HFM1: variants seen among roughly 807,000 people sequenced by gnomAD.
HFM1 encodes the protein probable ATP-dependent DNA helicase HFM1.
In HFM1, 169 loss-of-function variants were observed where a neutral mutation model predicts 192.1. The ratio of observed to expected loss-of-function variants is 0.88; its 90% CI spans 0.78 to 1.00. The LOEUF is 1.00. Among genes scored for constraint, HFM1 ranks in the 50% least tolerant of loss-of-function variants. The pLI, the probability that HFM1 is intolerant of heterozygous loss-of-function variation, is 0.00. For missense variants in HFM1, 1,661 were observed against 1,668.0 expected (o/e 1.00, Z 0.07); for synonymous variants, 525 against 537.8 (o/e 0.98, Z 0.33).
At chr1:91,299,642 G>A (rs1256636628) in intron 30 of HFM1, among the ~76,000 whole-genome samples, 3 of 152,110 alleles carry the variant, frequency 2.0e-5, no homozygotes, top group African/African-American at 7.2e-5. Flanking sequence ...ACTCAAAACC[G>A]CTCAACTACA....
At chr1:91,290,452 GA>G (rs1438458497) in intron 30 of HFM1, among the ~76,000 whole-genome samples, 1 of 152,176 alleles carries the variant, frequency 6.6e-6, no homozygotes, top group Non-Finnish European at 1.5e-5. Flanking sequence ...AAGAGACAAA[GA>G]AGGCCATTAA....
chr1:91,332,261 C>T (rs930153890), intron 20 of HFM1, among the ~76,000 whole-genome samples: 1 of 152,042 alleles, frequency 6.6e-6, no homozygotes, highest in South Asian at 2.1e-4. Flanking sequence ...ACAGACACAT[C>T]AATCAATGGA....
chr1:91,316,381 A>C lies in HFM1; in HGVS notation c.2898+10T>G. ...TTTAGATGGAATTAGGAATAAGTGA[A>C]TATAACTACCAATTCAAGTTCCCTT... On this transcript the variant is annotated intron_variant, in intron 26 of 38. Coordinates refer to ENST00000370425, the MANE Select transcript of HFM1 (RefSeq NM_001017975.6). The C allele has an allele frequency of 6.9e-7, 1 of 1,448,966 alleles. No homozygotes were observed. Among genetic ancestry groups the C allele is most frequent in the East Asian group, 2.3e-5 (1 of 43,266 alleles). The allele number at this position is 1,448,966 out of a possible 1,614,324, so 89.8% of individuals were successfully genotyped here.
At chr1:91,299,066 T>C (rs919178238) in intron 30 of HFM1, among the ~76,000 whole-genome samples, 3 of 152,064 alleles carry the variant, frequency 2.0e-5, no homozygotes, top group East Asian at 1.9e-4. Flanking sequence ...GAGACACATA[T>C]AGGCTCAAAA....
At chr1:91,278,778 G>C (rs1362736758) in intron 30 of HFM1, among the ~76,000 whole-genome samples, 1 of 152,034 alleles carries the variant, frequency 6.6e-6, no homozygotes, top group African/African-American at 2.4e-5. Flanking sequence ...GAAAACACCT[G>C]GGCGGCTGGA....
chr1:91,378,437 A>G lies in HFM1; in HGVS notation c.1202T>C (p.Leu401Ser). ...GAGAAACAGTCGAACCAGCTGAACCAAAGAGTTGTCTCTCCATTTCCTAGT... is the reference window on the plus strand; with the variant it reads ...GAGAAACAGTCGAACCAGCTGAACCGAAGAGTTGTCTCTCCATTTCCTAGT... ...SMTRKWRDNS[L>S]VQLVRLFLID... Residue 401 changes from leucine to serine, a missense_variant, in exon 10 of 39, where the codon TTG becomes TCG. By Grantham distance (145) the Leu-to-Ser change is moderately radical. Coordinates refer to ENST00000370425, the MANE Select transcript of HFM1 (RefSeq NM_001017975.6). The G allele has an allele frequency of 1.2e-6, 2 of 1,606,372 alleles. No homozygotes were observed. Among genetic ancestry groups the G allele is most frequent in the Non-Finnish European group, 1.7e-6 (2 of 1,174,898 alleles).
chr1:91,299,476 T>G (rs1193419680), intron 30 of HFM1, among the ~76,000 whole-genome samples: 2 of 152,162 alleles, frequency 1.3e-5, no homozygotes, highest in African/African-American at 4.8e-5. Context: ...ATCAACAGAA[T>G]ATACATTCTT....
In HFM1 at chr1:91,300,824, T is replaced by A. The variant is rs376632348; in HGVS notation, c.3391+12525A>T. 2.5e-3 allele frequency among the ~76,000 whole-genome samples: 374 copies of A among 152,118 alleles called. 2 individuals are homozygous for A. The highest frequency in any genetic ancestry group is 0.024 in the Middle Eastern group (7 of 292). On this transcript the variant is annotated intron_variant, in intron 30 of 38. Transcript: ENST00000370425. ...CTATCTATGACAAACCCACAGCCAA[T>A]ATCATACTGAATGGACAAAAACTGG...
At position 91,385,749 on chromosome 1, in the gene HFM1, C is replaced by T. The variant is rs778245594; in HGVS notation, c.580G>A (p.Val194Ile). ...TTCCCTTTGTTCATTTCTGTTTGTA[C>T]AATTTTCACTGAGCCAATGTGAGAG... The part of the protein sequence containing the change: ...LDSHIGSVKI[V>I]QTEMNKGKSR... The change falls in exon 5 of 39, where the codon GTA (valine) becomes ATA (isoleucine). Residue 194 changes from valine (V) to isoleucine (I), a missense_variant. Transcript: ENST00000370425. 2 of 1,612,208 alleles carry T rather than the reference C, an allele frequency of 1.2e-6. No individual in the cohort carries two copies. Among genetic ancestry groups the T allele is most frequent in the Admixed American group, 1.7e-5 (1 of 59,988 alleles).
intron 20 of HFM1, among the ~76,000 whole-genome samples, chr1:91,337,124 A>G (rs1217153503): frequency 1.3e-5 from 2 of 152,174 alleles, no homozygotes; most frequent in East Asian, 3.9e-4. Flanking sequence ...TAGCTAATGG[A>G]TGCTGGGCTT....
chr1:91,341,457 C>T (rs1400601366), intron 20 of HFM1, among the ~76,000 whole-genome samples: 2 of 152,110 alleles, frequency 1.3e-5, no homozygotes, highest in African/African-American at 2.4e-5. Context: ...AAGTTTATGG[C>T]ACTAAATGCT....
At chr1:91,284,457 G>C (rs1231469373) in intron 30 of HFM1, among the ~76,000 whole-genome samples, 1 of 151,984 alleles carries the variant, frequency 6.6e-6, no homozygotes, top group Non-Finnish European at 1.5e-5. Context: ...TCACCACATT[G>C]GCCAGGCTAG....
chr1:91,330,224 T>C (rs2101496136), intron 20 of HFM1, among the ~76,000 whole-genome samples: 1 of 149,382 alleles, frequency 6.7e-6, no homozygotes, highest in East Asian at 2.0e-4. Context: ...TTTAAAGTTA[T>C]AAAGAAAAAA....
chr1:91,284,234 TTATTA>T (rs1184019990), intron 30 of HFM1, among the ~76,000 whole-genome samples: 1 of 150,760 alleles, frequency 6.6e-6, no homozygotes, highest in Non-Finnish European at 1.5e-5. Flanking sequence ...ATTATTATTA[TTATTA>T]TATTATTATT....
At chr1:91,269,117 A>C (rs1160681442) in intron 34 of HFM1, among the ~76,000 whole-genome samples, 1 of 152,110 alleles carries the variant, frequency 6.6e-6, no homozygotes, top group African/African-American at 2.4e-5. Context: ...AATCAAACCC[A>C]GATTGGTAGT....
intron 23 of HFM1, among the ~76,000 whole-genome samples, chr1:91,321,358 C>T (rs774373186): frequency 3.3e-5 from 5 of 152,074 alleles, no homozygotes; most frequent in African/African-American, 4.8e-5. Flanking sequence ...GCAGGAGAAT[C>T]GCTTGAGCCC....
intron 13 of HFM1, among the ~76,000 whole-genome samples, chr1:91,365,073 C>T (rs1348211086): frequency 6.6e-6 from 1 of 152,014 alleles, no homozygotes; most frequent in Non-Finnish European, 1.5e-5. Context: ...TGCTAAGACA[C>T]TAACTGAAAT....
intron 21 of HFM1, among the ~76,000 whole-genome samples, chr1:91,324,107 C>T (rs1225289331): frequency 6.6e-6 from 1 of 152,218 alleles, no homozygotes; most frequent in Non-Finnish European, 1.5e-5. Flanking sequence ...TTCACTGCTG[C>T]AGCTGCAAAG....
intron 10 of HFM1, 92 bp from the exon 11 acceptor site, chr1:91,378,275 G>A (rs1429211897): frequency 2.4e-6 from 3 of 1,265,126 alleles, no homozygotes; most frequent in Non-Finnish European, 3.3e-6. Context: ...ATTCTTGCTT[G>A]AGAAAATGAG....
Sources: gnomAD v4.1 joint callset for allele counts (sites outside exome capture counted in the v4.1 genomes callset) on GRCh38, gnomAD v4.1.1 for gene constraint, MANE v1.5 for transcripts, NCBI Gene and HGNC (gene_info 2026-07-23, HGNC 2026-07-21) for gene names.